RBL2: variants seen among roughly 807,000 people sequenced by gnomAD.
RBL2 encodes the protein RB transcriptional corepressor like 2.
Under a neutral mutation model 126.0 loss-of-function variants are expected in RBL2, and 56 were observed. The observed-to-expected ratio is 0.44, with a 90% CI of 0.36 to 0.56. RBL2 has a LOEUF of 0.56. RBL2 is among the 20% of genes least tolerant of loss of function. The pLI is 0.00. For synonymous variants in RBL2, 454 were observed against 478.5 expected (o/e 0.95, Z 0.67); for missense variants, 1,229 against 1,398.2 (o/e 0.88, Z 1.93).
At chr16:53,462,490 A>C in intron 10 of RBL2, 62 bp from the exon 11 acceptor site, 1 of 962,410 alleles carries the variant, frequency 1.0e-6, no homozygotes, top group Non-Finnish European at 1.6e-6. Flanking sequence ...AGGAGGAGGA[A>C]TGGGCCTTTA....
chr16:53,466,408 C>T (rs1447936890), intron 13 of RBL2, among the ~76,000 whole-genome samples: 1 of 151,958 alleles, frequency 6.6e-6, no homozygotes, highest in African/African-American at 2.4e-5. Context: ...CACTTTATTT[C>T]TATTATTATT....
chr16:53,446,294 G>C (rs2153139533), intron 3 of RBL2, among the ~76,000 whole-genome samples: 1 of 151,750 alleles, frequency 6.6e-6, no homozygotes. Context: ...TACCCAAGTA[G>C]AGTAATCTTT....
At chr16:53,453,847 T>C (rs1305965676) in intron 7 of RBL2, 78 bp downstream of exon 7, 5 of 1,261,468 alleles carry the variant, frequency 4.0e-6, no homozygotes, top group Non-Finnish European at 5.5e-6. Flanking sequence ...GTTTTTATTG[T>C]TTGTACTCTG....
chr16:53,455,098 G>T (rs1372114558), intron 8 of RBL2, among the ~76,000 whole-genome samples: 1 of 152,112 alleles, frequency 6.6e-6, no homozygotes, highest in Non-Finnish European at 1.5e-5. Flanking sequence ...GATAATTGTT[G>T]GTTTTAAAAA....
At chr16:53,454,450 G>A (rs1431251553) in intron 7 of RBL2, 5 of 503,038 alleles carry the variant, frequency 9.9e-6, no homozygotes, top group African/African-American at 3.9e-5. Context: ...TGATCCACCT[G>A]CCTCAGCCTC....
intron 20 of RBL2, chr16:53,481,462 T>C (rs891566187): frequency 2.0e-6 from 1 of 492,580 alleles, no homozygotes; most frequent in Non-Finnish European, 3.5e-6. Context: ...ACATAATGTA[T>C]AAAAATTGCT....
intron 2 of RBL2, among the ~76,000 whole-genome samples, chr16:53,440,121 C>T (rs2058000928): frequency 1.3e-5 from 2 of 151,918 alleles, no homozygotes; most frequent in Non-Finnish European, 2.9e-5. Context: ...TATGGTGAAA[C>T]CCCGTCTCAA....
intron 17 of RBL2, among the ~76,000 whole-genome samples, chr16:53,473,496 T>C (rs887210473): frequency 2.6e-5 from 4 of 151,322 alleles, no homozygotes; most frequent in Admixed American, 6.6e-5. Context: ...AAAAACACTT[T>C]TGTATATTGA....
intron 21 of RBL2, among the ~76,000 whole-genome samples, chr16:53,484,018 C>T (rs769668487): frequency 3.3e-4 from 49 of 150,704 alleles, no homozygotes; most frequent in Non-Finnish European, 5.0e-4. Flanking sequence ...GACATACCAG[C>T]GATTCTGAAT....
chr16:53,434,503 G>T lies in RBL2; in HGVS notation c.-54G>T. On this transcript the variant is annotated 5_prime_UTR_variant, in exon 1 of 22. Coordinates refer to ENST00000262133, the MANE Select transcript of RBL2 (RefSeq NM_005611.4). Reference sequence around the variant, plus strand: ...GGGCGGGCGCTTCGCCGTTTGAATGGCTGCGGGCCCGGGCCCTCACCTCAC... The same window carrying T: ...GGGCGGGCGCTTCGCCGTTTGAATGTCTGCGGGCCCGGGCCCTCACCTCAC... The T allele has an allele frequency of 7.4e-7, 1 of 1,342,610 alleles. No homozygotes were observed. 83.2% of individuals were successfully genotyped at this position (1,342,610 alleles called of 1,614,324 possible). A position where few individuals can be genotyped will look rare whatever the true frequency, so the allele number is the denominator to read the frequency against.
Position 53,490,259 on chromosome 16 carries a change from C to T in RBL2, c.3379C>T (p.Arg1127Cys). 3.1e-6 allele frequency: 5 copies of T among 1,612,608 alleles called. No homozygotes were observed. Among genetic ancestry groups the T allele is most frequent in the Non-Finnish European group, 4.2e-6 (5 of 1,179,160 alleles). Residue 1127 changes from arginine to cysteine, a missense_variant, in exon 22 of 22, where the codon CGC (arginine) becomes TGC (cysteine). Physicochemically the swap from Arg to Cys is radical, Grantham distance 180 (BLOSUM62 -3). Transcript: ENST00000262133. The part of the protein sequence containing the change: ...ICPENHSALL[R>C]RLQDVANDRG... ...CCCAGAAAATCATTCTGCCTTATTACGCCGTCTCCAAGATGTAGCTAATGA... is the reference window on the plus strand; with the variant it reads ...CCCAGAAAATCATTCTGCCTTATTATGCCGTCTCCAAGATGTAGCTAATGA...
At chr16:53,445,736 C>T (rs1055193497) in intron 3 of RBL2, 2 of 152,198 alleles carry the variant, frequency 1.3e-5, no homozygotes, top group Admixed American at 6.5e-5. Flanking sequence ...TTATGTAGGA[C>T]ACAGGCATTT....
At chr16:53,443,908 C>A (rs1054895534) in intron 3 of RBL2, among the ~76,000 whole-genome samples, 4 of 152,152 alleles carry the variant, frequency 2.6e-5, no homozygotes, top group African/African-American at 9.7e-5. Context: ...GATACAGAAG[C>A]ATCTGGTCTA....
chr16:53,452,173 T>A (rs2153141027), intron 5 of RBL2, among the ~76,000 whole-genome samples: 1 of 152,296 alleles, frequency 6.6e-6, no homozygotes, highest in Non-Finnish European at 1.5e-5. Context: ...TTGTAGGAGA[T>A]CAAAAAGAAT....
At position 53,445,718 on chromosome 16, in the gene RBL2, G is replaced by A. The variant is rs193082635; in HGVS notation, c.573-1324G>A. 9 of 152,322 alleles carry A rather than the reference G, an allele frequency of 5.9e-5. No individual in the cohort carries two copies. The South Asian group carries it at 6.2e-4, about 11-fold the overall frequency. The allele number at this position is 152,322 out of a possible 1,614,324, so 9.4% of individuals were successfully genotyped here. On this transcript the variant is annotated intron_variant, in intron 3 of 21. Transcript: ENST00000262133. ...TTAGCACTTATCCACAGGAAATACT[G>A]TTAGGTATTATGTAGGACACAGGCA...
At chr16:53,439,211 T>G in intron 2 of RBL2, 65 bp downstream of exon 2, 1 of 1,350,682 alleles carries the variant, frequency 7.4e-7, no homozygotes, top group South Asian at 1.8e-5. Flanking sequence ...ATAGTGATAG[T>G]AAGAATTATC....
At chr16:53,467,858 A>C (rs979374277) in intron 14 of RBL2, among the ~76,000 whole-genome samples, 9 of 152,374 alleles carry the variant, frequency 5.9e-5, no homozygotes, top group Non-Finnish European at 1.2e-4. Flanking sequence ...TTAAAATCAG[A>C]AATAGAAAAG....
chr16:53,457,258 C>CTTTTTTTTTTTTTTTTTTTTTTTTTTTT (rs756763534), intron 8 of RBL2, among the ~76,000 whole-genome samples: 7 of 89,936 alleles, frequency 7.8e-5, no homozygotes, highest in African/African-American at 1.8e-4. Context: ...GTACAGATAG[C>CTTTTTTTTTTTTTTTTTTTTTTTTTTTT]TTTTTTTTTT....
chr16:53,487,355 A>C (rs1212660881), intron 21 of RBL2, among the ~76,000 whole-genome samples: 15 of 152,246 alleles, frequency 9.9e-5, no homozygotes, highest in African/African-American at 2.9e-4. Flanking sequence ...CACAGAGATC[A>C]ATAGAACAGA....
Sources: allele counts gnomAD v4.1 joint callset (sites outside exome capture counted in the v4.1 genomes callset), GRCh38; gene constraint gnomAD v4.1.1; transcripts MANE v1.5; gene names NCBI Gene and HGNC (gene_info 2026-07-23, HGNC 2026-07-21).